Variants in ITGA10 observed in about 807,000 individuals in gnomAD.
ITGA10 encodes the protein integrin subunit alpha 10, also known as integrin alpha-10.
Under a neutral mutation model 145.2 loss-of-function variants are expected in ITGA10, and 105 were observed. The ratio of observed to expected loss-of-function variants is 0.72; its 90% CI spans 0.62 to 0.85. ITGA10 has a LOEUF of 0.85. Among genes scored for constraint, ITGA10 ranks in the 40% least tolerant of loss-of-function variants. ITGA10 has a pLI of 0.00. For synonymous variants in ITGA10, 506 were observed against 557.8 expected (o/e 0.91, Z 1.31); for missense variants, 1,317 against 1,444.5 (o/e 0.91, Z 1.43).
intron 1 of ITGA10, among the ~76,000 whole-genome samples, chr1:145,908,102 T>C (rs925868697): frequency 2.6e-5 from 4 of 152,050 alleles, no homozygotes; most frequent in Admixed American, 2.6e-4. Context: ...CCACACACTC[T>C]CCTCAACAAA....
intron 28 of ITGA10, 85 bp from the exon 29 acceptor site, chr1:145,893,359 A>C: frequency 9.5e-7 from 1 of 1,053,262 alleles, no homozygotes; most frequent in Non-Finnish European, 1.5e-6. Flanking sequence ...CAGCCCCCAA[A>C]TAGAATAAAT....
At chr1:145,893,415 C>CCT in intron 28 of ITGA10, 125 bp downstream of exon 28, 1 of 932,204 alleles carries the variant, frequency 1.1e-6, no homozygotes, top group East Asian at 2.6e-5. Flanking sequence ...GGAATGGCGG[C>CCT]AGTGGAACAC....
intron 15 of ITGA10, 56 bp from the exon 16 acceptor site, chr1:145,899,397 T>G (rs1655912209): frequency 6.4e-7 from 1 of 1,570,400 alleles, no homozygotes; most frequent in Non-Finnish European, 8.7e-7. Context: ...CTCTGAGAAG[T>G]GCAAGCCCAG....
At chr1:145,898,807 T>C (rs1270139529) in intron 17 of ITGA10, 129 bp downstream of exon 17, 7 of 1,157,678 alleles carry the variant, frequency 6.0e-6, no homozygotes, top group Non-Finnish European at 8.4e-6. Flanking sequence ...CAGCCCTGAC[T>C]CCAAAGTCTG....
rs782326019 is a variant in ITGA10, at chr1:145,900,054, C to T, written c.1922+3G>A. The T allele has an allele frequency of 1.9e-6, 3 of 1,612,772 alleles. No individual in the cohort carries two copies. The African/African-American group carries it at 4.0e-5, about 22-fold the overall frequency. ...CACCACCACCTGAGCTGGGACCCCT[C>T]ACCTGAGCAGGATGGCTGCCCCCTG... On this transcript the variant is annotated splice_donor_region_variant and intron_variant, in intron 15 of 29. Transcript: ENST00000369304.
At chr1:145,902,169 GA>G in intron 10 of ITGA10, 76 bp downstream of exon 10, 1 of 1,567,820 alleles carries the variant, frequency 6.4e-7, no homozygotes, top group South Asian at 1.1e-5. Context: ...GTTAAAGGAG[GA>G]ATCTGGAGGG....
chr1:145,903,876 A>T (rs1656722617), intron 7 of ITGA10, among the ~76,000 whole-genome samples, 176 bp downstream of exon 7: 1 of 151,370 alleles, frequency 6.6e-6, no homozygotes, highest in Non-Finnish European at 1.5e-5. Flanking sequence ...TTTAGTAGAG[A>T]TGGGGTTTCT....
chr1:145,893,687 T>A (rs1010831449), intron 27 of ITGA10, 52 bp from the exon 28 acceptor site: 1 of 1,422,864 alleles, frequency 7.0e-7, no homozygotes, highest in Non-Finnish European at 9.8e-7. Flanking sequence ...TATCAGGTGA[T>A]ATAGTTCTTT....
At chr1:145,905,663 A>T (rs1657034065) in intron 5 of ITGA10, 1 of 151,844 alleles carries the variant, frequency 6.6e-6, no homozygotes, top group Non-Finnish European at 1.5e-5. Context: ...TGCAGCCTGG[A>T]CCACCTGGGC....
chr1:145,907,331 T>A, intron 2 of ITGA10, 23 bp downstream of exon 2: 1 of 1,614,144 alleles, frequency 6.2e-7, no homozygotes, highest in East Asian at 2.2e-5. Flanking sequence ...CCCAATCCCC[T>A]GGCACTCCGG....
In ITGA10 at chr1:145,901,141, T is replaced by C. The variant is rs1553748143; in HGVS notation, c.1581A>G (p.Val527=). Reference sequence around the variant, plus strand: ...GGGTCCCAGCAAGTCTCACCTGGCCTACCAGATACACATAAACACGTCCTG... The same window carrying C: ...GGGTCCCAGCAAGTCTCACCTGGCCCACCAGATACACATAAACACGTCCTG... ...KETGRVYVYL[V]GQQSLLTLQG... is the part of the protein sequence containing the mutation. Residue 527 remains valine (V), a synonymous_variant, in exon 13 of 30, where the codon GTA becomes GTG. Coordinates refer to ENST00000369304, the MANE Select transcript of ITGA10 (RefSeq NM_003637.5). The surrounding 1 kb of genome is among the most constrained non-coding windows in gnomAD (Gnocchi z 4.3). The C allele has an allele frequency of 1.2e-5, 20 of 1,614,046 alleles. No homozygotes were observed. The highest frequency in any genetic ancestry group is 1.6e-5 in the Non-Finnish European group (19 of 1,179,988).
At chr1:145,907,850 G>A (rs1340564668) in intron 1 of ITGA10, among the ~76,000 whole-genome samples, 1 of 137,478 alleles carries the variant, frequency 7.3e-6, no homozygotes, top group Non-Finnish European at 1.5e-5. Flanking sequence ...GCTTACTGCA[G>A]GCTCCGCCCC....
At chr1:145,899,964 C>G in intron 15 of ITGA10, 93 bp downstream of exon 15, 1 of 1,362,312 alleles carries the variant, frequency 7.3e-7, no homozygotes, top group South Asian at 1.5e-5. Flanking sequence ...GTAAGTTGAC[C>G]AAGAAAACCA....
chr1:145,900,056 C>A lies in ITGA10; in HGVS notation c.1922+1G>T. 1 of 1,613,052 alleles carries A rather than the reference C, an allele frequency of 6.2e-7. No homozygotes were observed. The highest frequency in any genetic ancestry group is 8.5e-7 in the Non-Finnish European group (1 of 1,179,540). On this transcript the variant is annotated splice_donor_variant, in intron 15 of 29. Transcript: ENST00000369304. LOFTEE classifies it high-confidence loss of function. ...CCACCACCTGAGCTGGGACCCCTCA[C>A]CTGAGCAGGATGGCTGCCCCCTGGG...
intron 1 of ITGA10, 191 bp from the exon 2 acceptor site, chr1:145,907,656 C>A (rs1657343047): frequency 1.0e-6 from 1 of 957,132 alleles, no homozygotes; most frequent in Non-Finnish European, 1.2e-6. Context: ...GTGTTTGTGT[C>A]CAGATGCCTA....
chr1:145,907,848 C>A (rs960953787), intron 1 of ITGA10, among the ~76,000 whole-genome samples: 3 of 137,790 alleles, frequency 2.2e-5, no homozygotes, highest in Non-Finnish European at 4.5e-5. Context: ...CGGCTTACTG[C>A]AGGCTCCGCC....
At chr1:145,907,323 C>A in intron 2 of ITGA10, 31 bp downstream of exon 2, 2 of 1,614,144 alleles carry the variant, frequency 1.2e-6, no homozygotes, top group Non-Finnish European at 1.7e-6. Context: ...ACTGCAGTCC[C>A]AATCCCCTGG....
intron 17 of ITGA10, 104 bp downstream of exon 17, chr1:145,898,832 C>A: frequency 7.3e-7 from 1 of 1,373,170 alleles, no homozygotes. Context: ...ATCTCATTTT[C>A]CCGGCTTTGG....
At position 145,900,949 on chromosome 1, in the gene ITGA10, G is replaced by T. The variant is rs375059707; in HGVS notation, c.1632C>A (p.Pro544=). Residue 544 remains proline, a synonymous_variant, in exon 14 of 30, where the codon CCC becomes CCA. Transcript: ENST00000369304. Reference sequence around the variant, plus strand: ...TGGCAAAGCCAAACCGAGCATCCTGGGGGGGTTCTGGCTGAAGTGTTCCTT... The same window carrying T: ...TGGCAAAGCCAAACCGAGCATCCTGTGGGGGTTCTGGCTGAAGTGTTCCTT... The part of the protein sequence containing the change: ...TLQGTLQPEP[P]QDARFGFAMG... The T allele has an allele frequency of 2.5e-6, 4 of 1,614,118 alleles. No individual in the cohort carries two copies. The South Asian group carries it at 4.4e-5, about 18-fold the overall frequency.
Sources: gnomAD v4.1 joint callset for allele counts (sites outside exome capture counted in the v4.1 genomes callset) on GRCh38, gnomAD v4.1.1 for gene constraint, Gnocchi (gnomAD v3.1) non-coding constraint, MANE v1.5 for transcripts, NCBI Gene and HGNC (gene_info 2026-07-23, HGNC 2026-07-21) for gene names.